ABL2: variants seen among roughly 807,000 people sequenced by gnomAD.
ABL2 encodes the protein ABL proto-oncogene 2, non-receptor tyrosine kinase, also known as tyrosine-protein kinase ABL2.
ABL2 carries 49 observed loss-of-function variants against 107.7 expected under a neutral mutation model. The ratio of observed to expected loss-of-function variants is 0.45; its 90% CI spans 0.36 to 0.58. ABL2 has a LOEUF of 0.58. ABL2 is among the 20% of genes least tolerant of loss of function. The pLI, the probability that ABL2 is intolerant of heterozygous loss-of-function variation, is 0.00. For missense variants in ABL2, 1,245 were observed against 1,457.0 expected (o/e 0.85, Z 2.37); for synonymous variants, 549 against 548.6 (o/e 1.00, Z -0.01).
intron 1 of ABL2, 30 bp downstream of exon 1, chr1:179,229,208 CACG>C (rs2124888280): frequency 3.4e-6 from 5 of 1,487,882 alleles, no homozygotes; most frequent in Admixed American, 2.2e-5. Context: ...CGGCCTCCCC[CACG>C]CTCTCATGCC....
intron 2 of ABL2, among the ~76,000 whole-genome samples, chr1:179,132,035 A>T (rs1049873177): frequency 2.0e-5 from 3 of 152,252 alleles, no homozygotes; most frequent in South Asian, 4.1e-4. Flanking sequence ...AAAATTATTT[A>T]AAAAGTGCTT....
rs958507212 is a variant in ABL2 at position 179,103,731 on chromosome 1, C to T, written c.*3987G>A. 2.2e-5 allele frequency: 5 copies of T among 228,198 alleles called. No homozygotes were observed. Among genetic ancestry groups the T allele is most frequent in the Non-Finnish European group, 3.5e-5 (4 of 114,642 alleles). 14.1% of individuals were successfully genotyped at this position (228,198 alleles called of 1,614,324 possible). The stretch of plus-strand genomic sequence containing the variant: ...GTGCAGCACCACACAGGCTGATTGT[C>T]GGTCTGAGCCACTTTTTTGCAGTGT... On this transcript the variant is annotated 3_prime_UTR_variant, in exon 12 of 12. Transcript: ENST00000502732.
intron 1 of ABL2, among the ~76,000 whole-genome samples, chr1:179,188,438 T>C (rs1180612472): frequency 6.6e-6 from 1 of 151,732 alleles, no homozygotes; most frequent in African/African-American, 2.4e-5. Flanking sequence ...TCCCAGCTAC[T>C]CAGGGGGCTG....
rs1035183531 is a variant in ABL2 at position 179,211,270 on chromosome 1, C to G, written c.157+17971G>C. ...TGCTGGCTCACATCTGTTATCCCAGCACTTTGGGAGGCTGAGGCGGGAGAA... is the reference window on the plus strand; with the variant it reads ...TGCTGGCTCACATCTGTTATCCCAGGACTTTGGGAGGCTGAGGCGGGAGAA... On this transcript the variant is annotated intron_variant, in intron 1 of 11. Coordinates refer to ENST00000502732, the MANE Select transcript of ABL2 (RefSeq NM_007314.4). Among the ~76,000 whole-genome samples the G allele has an allele frequency of 2.6e-5, 4 of 152,268 alleles. No homozygotes were observed. In the South Asian group the frequency reaches 6.2e-4, roughly 24 times the overall value.
intron 1 of ABL2, among the ~76,000 whole-genome samples, chr1:179,204,043 G>A (rs1275721144): frequency 1.3e-5 from 2 of 150,836 alleles, no homozygotes; most frequent in Non-Finnish European, 3.0e-5. Context: ...TATTTATTTA[G>A]AGATGGAGTC....
At chr1:179,145,149 C>T (rs1317256739) in intron 1 of ABL2, among the ~76,000 whole-genome samples, 1 of 152,062 alleles carries the variant, frequency 6.6e-6, no homozygotes, top group Non-Finnish European at 1.5e-5. Flanking sequence ...ATAAGCCAGA[C>T]ACATCAAGGC....
chr1:179,109,879 G>C (rs963065537), intron 11 of ABL2, among the ~76,000 whole-genome samples: 34 of 148,200 alleles, frequency 2.3e-4, no homozygotes, highest in African/African-American at 8.3e-4. Context: ...AGTGAGCCGA[G>C]ATCGCACCAC....
At chr1:179,114,620 T>C (rs1654441699) in intron 9 of ABL2, among the ~76,000 whole-genome samples, 1 of 152,154 alleles carries the variant, frequency 6.6e-6, no homozygotes, top group Admixed American at 6.5e-5. Context: ...ATCTCTAAAC[T>C]CAATTTCTTA....
chr1:179,175,521 A>G (rs1370641602), intron 1 of ABL2, among the ~76,000 whole-genome samples: 1 of 152,258 alleles, frequency 6.6e-6, no homozygotes, highest in Non-Finnish European at 1.5e-5. Flanking sequence ...CTGAAGACTT[A>G]ATTAGAATAT....
At chr1:179,128,156 CTT>C (rs1485499051) in intron 3 of ABL2, among the ~76,000 whole-genome samples, 1 of 151,830 alleles carries the variant, frequency 6.6e-6, no homozygotes, top group Non-Finnish European at 1.5e-5. Flanking sequence ...CATAGAATAA[CTT>C]TGTATCAGAC....
Position 179,121,872 on chromosome 1 carries a change from T to C in ABL2, c.688-5A>G. ...GCTCTCAGCAGTCACATACACCTGG[T>C]AAGAAAAGGAGAAAAGCTAAACAAC... On this transcript the variant is annotated splice_region_variant and splice_polypyrimidine_tract_variant and intron_variant, in intron 4 of 11. Coordinates refer to ENST00000502732, the MANE Select transcript of ABL2 (RefSeq NM_007314.4). 6.3e-7 allele frequency: 1 copy of C among 1,582,638 alleles called. No individual in the cohort carries two copies.
intron 1 of ABL2, among the ~76,000 whole-genome samples, chr1:179,166,977 T>C (rs1183777601): frequency 2.6e-5 from 4 of 152,118 alleles, no homozygotes; most frequent in African/African-American, 9.7e-5. Context: ...GTACAGCTAC[T>C]ATGAAAAACA....
chr1:179,226,421 G>C (rs1663216511), intron 1 of ABL2, among the ~76,000 whole-genome samples: 1 of 148,184 alleles, frequency 6.7e-6, no homozygotes, highest in South Asian at 2.1e-4. Flanking sequence ...CGATTCTCCT[G>C]TCTCAGCCTC....
At chr1:179,132,088 C>CT (rs768094346) in intron 2 of ABL2, among the ~76,000 whole-genome samples, 2 of 152,106 alleles carry the variant, frequency 1.3e-5, no homozygotes, top group Admixed American at 6.6e-5. Flanking sequence ...AAAAAATAAT[C>CT]TTTTTTTCGT....
Position 179,205,423 on chromosome 1 carries a change from C to A in ABL2, c.157+23818G>T, listed in dbSNP as rs111856741. Among the ~76,000 whole-genome samples the A allele has an allele frequency of 3.0e-3, 456 of 152,364 alleles. 1 individual carries two copies. The highest frequency in any genetic ancestry group is 0.011 in the African/African-American group (441 of 41,598). On this transcript the variant is annotated intron_variant, in intron 1 of 11. Transcript: ENST00000502732. ...CCCGGCATTACATGAGACCACATGACTTGCTTTGGCCAGTGAGATATAAAA... is the reference window on the plus strand; with the variant it reads ...CCCGGCATTACATGAGACCACATGAATTGCTTTGGCCAGTGAGATATAAAA...
intron 1 of ABL2, among the ~76,000 whole-genome samples, chr1:179,143,246 A>G (rs1036223154): frequency 6.6e-6 from 1 of 152,236 alleles, no homozygotes; most frequent in Non-Finnish European, 1.5e-5. Context: ...GCAATCCGCA[A>G]AAGACTGAGT....
chr1:179,180,721 G>A (rs565949282), intron 1 of ABL2, among the ~76,000 whole-genome samples: 1 of 152,208 alleles, frequency 6.6e-6, no homozygotes, highest in South Asian at 2.1e-4. Context: ...ATTTTATGTT[G>A]TGTTTATTTT....
intron 1 of ABL2, among the ~76,000 whole-genome samples, chr1:179,174,895 C>CAAAAAAAAAAAA (rs1161355678): frequency 3.0e-5 from 1 of 33,678 alleles, no homozygotes; most frequent in Non-Finnish European, 6.2e-5. Flanking sequence ...GACTCTGTCT[C>CAAAAAAAAAAAA]AAAAAAAAAA....
chr1:179,169,104 T>C (rs1408545037), intron 1 of ABL2, among the ~76,000 whole-genome samples: 5 of 152,028 alleles, frequency 3.3e-5, no homozygotes, highest in African/African-American at 1.2e-4. Context: ...GCCTAATTCT[T>C]TCAGAGAGTT....
Sources: gnomAD v4.1 joint callset for allele counts (sites outside exome capture counted in the v4.1 genomes callset) on GRCh38, gnomAD v4.1.1 for gene constraint, MANE v1.5 for transcripts, NCBI Gene and HGNC (gene_info 2026-07-23, HGNC 2026-07-21) for gene names.